VIL1: variants seen among roughly 807,000 people sequenced by gnomAD.
The protein encoded by VIL1 is villin-1.
VIL1 carries 86 observed loss-of-function variants against 104.0 expected under a neutral mutation model. The observed-to-expected ratio is 0.83, with a 90% CI of 0.69 to 0.99. The LOEUF (loss-of-function observed/expected upper bound fraction) is 0.99. Ranked by LOEUF, VIL1 falls within the 50% of genes least tolerant of loss-of-function variation. The pLI is 0.00. For missense variants in VIL1, 944 were observed against 1,054.1 expected (o/e 0.90, Z 1.45); for synonymous variants, 394 against 412.6 (o/e 0.95, Z 0.55).
Position 218,424,345 on chromosome 2 carries a change from C to T in VIL1, c.144C>T (p.Ile48=). 6.2e-7 allele frequency: 1 copy of T among 1,613,888 alleles called. No homozygotes were observed. The highest frequency in any genetic ancestry group is 8.5e-7 in the Non-Finnish European group (1 of 1,179,990). ...TCTTCGATGGTGACTGCTACATCAT[C>T]CTGGCTGTGAGTCAGGGGCAGGGGA... ...GSFFDGDCYI[I]LAIHKTASSL... is the part of the protein sequence containing the mutation. Residue 48 remains isoleucine (I), a synonymous_variant, in exon 3 of 20, where the codon ATC becomes ATT. Coordinates refer to ENST00000248444, the MANE Select transcript of VIL1 (RefSeq NM_007127.3).
Position 218,431,882 on chromosome 2 carries a change from T to G in VIL1, c.1128T>G (p.Asp376Glu). Reference sequence around the variant, plus strand: ...CCAAAGTGGAACAGGTGAAGTTCGATGCCACATCCATGCATGTCAAGCCTC... The same window carrying G: ...CCAAAGTGGAACAGGTGAAGTTCGAGGCCACATCCATGCATGTCAAGCCTC... ...SVAKVEQVKF[D>E]ATSMHVKPQV... Residue 376 changes from aspartate to glutamate, a missense_variant, in exon 11 of 20, where the codon GAT becomes GAG. Asp to Glu is a conservative substitution (Grantham distance 45). Transcript: ENST00000248444. The G allele has an allele frequency of 6.2e-7, 1 of 1,613,876 alleles. No homozygotes were observed. Among genetic ancestry groups the G allele is most frequent in the Non-Finnish European group, 8.5e-7 (1 of 1,179,970 alleles).
chr2:218,425,306 C>A (rs193101512), intron 3 of VIL1, among the ~76,000 whole-genome samples: 52 of 152,310 alleles, frequency 3.4e-4, no homozygotes, highest in African/African-American at 1.2e-3. Context: ...GTCTTCAACT[C>A]CTGACCTCAG....
intron 10 of VIL1, 125 bp from the exon 11 acceptor site, chr2:218,431,730 ATC>A: frequency 1.3e-6 from 1 of 770,656 alleles, no homozygotes; most frequent in Non-Finnish European, 2.2e-6. Context: ...AAGCTACTGA[ATC>A]TCTCTTGCCT....
At position 218,419,369 on chromosome 2, in the gene VIL1, C is replaced by T. The variant is rs577354399; in HGVS notation, c.-12+201C>T. On this transcript the variant is annotated intron_variant, in intron 1 of 19. Transcript: ENST00000248444. Reference sequence around the variant, plus strand: ...CCTCCAGGGAGAGACTTTTGCAGGCCCTGCCCCAGACAATGGCTCTCTCAG... The same window carrying T: ...CCTCCAGGGAGAGACTTTTGCAGGCTCTGCCCCAGACAATGGCTCTCTCAG... 3.0e-4 allele frequency among the ~76,000 whole-genome samples: 46 copies of T among 152,210 alleles called. No homozygotes were observed. In the South Asian group the frequency reaches 9.3e-3, roughly 31 times the overall value.
intron 1 of VIL1, among the ~76,000 whole-genome samples, chr2:218,422,504 C>T (rs919207759): frequency 5.9e-5 from 9 of 152,192 alleles, no homozygotes; most frequent in African/African-American, 1.9e-4. Flanking sequence ...TACAGTTACA[C>T]GGCAAGCTGC....
chr2:218,422,197 G>A (rs1402056977), intron 1 of VIL1, among the ~76,000 whole-genome samples: 10 of 152,174 alleles, frequency 6.6e-5, no homozygotes, highest in Non-Finnish European at 1.5e-4. Context: ...GGAGGTTGAA[G>A]TAAGCCGAGA....
rs756221833 is a variant in VIL1 at position 218,423,851 on chromosome 2, G to A, written c.73G>A (p.Glu25Lys). 5.6e-6 allele frequency: 9 copies of A among 1,614,034 alleles called. No individual in the cohort carries two copies. The highest frequency in any genetic ancestry group is 4.5e-5 in the East Asian group (2 of 44,892). The change falls in exon 2 of 20, where the codon GAG becomes AAG. Residue 25 changes from glutamate (E) to lysine (K), a missense_variant and splice_region_variant. Physicochemically the swap from Glu to Lys is moderately conservative, Grantham distance 56 (BLOSUM62 1). Coordinates refer to ENST00000248444, the MANE Select transcript of VIL1 (RefSeq NM_007127.3). ...CCCGGGGCTGCAGATATGGAGGATC[G>A]AGGTGAGGCCCTGTCTGGGCATGGG... is the stretch of plus-strand genomic sequence containing the variant. Reference protein sequence around the residue: ...TTPGLQIWRIEAMQMVPVPSS... With the variant: ...TTPGLQIWRIKAMQMVPVPSS...
In VIL1 at chr2:218,449,364, A is replaced by G. The variant is rs1380675572; in HGVS notation, c.*28A>G. 1.4e-5 allele frequency: 22 copies of G among 1,545,562 alleles called. No homozygotes were observed. The South Asian group carries it at 1.7e-4, about 12-fold the overall frequency. ...AGAGTAGCTGTGGTTGTAAAGCAGT[A>G]CCCTACCCTGATTGTAGGGTCTCAT... On this transcript the variant is annotated 3_prime_UTR_variant, in exon 20 of 20. Coordinates refer to ENST00000248444, the MANE Select transcript of VIL1 (RefSeq NM_007127.3).
chr2:218,430,224 C>T lies in VIL1; in HGVS notation c.948+277C>T, dbSNP rs368921183. Among the ~76,000 whole-genome samples the T allele has an allele frequency of 2.0e-4, 30 of 152,272 alleles. No homozygotes were observed. In the East Asian group the frequency reaches 4.4e-3, roughly 23 times the overall value. ...CAGGATGTGGGCTCTCACCTCCCTG[C>T]ACCTGAGCTGAGTTTGGAGAAGGGA... On this transcript the variant is annotated intron_variant, in intron 9 of 19. Transcript: ENST00000248444.
Position 218,431,837 on chromosome 2 carries a change from C to T in VIL1, c.1103-20C>T, listed in dbSNP as rs1421924724. Reference sequence around the variant, plus strand: ...GACCTCAGCTGGTGACAGTTGGTTTCATGATTTCCCCCACTCTAGCCAAAG... The same window carrying T: ...GACCTCAGCTGGTGACAGTTGGTTTTATGATTTCCCCCACTCTAGCCAAAG... On this transcript the variant is annotated intron_variant, in intron 10 of 19. Transcript: ENST00000248444. The T allele has an allele frequency of 6.2e-7, 1 of 1,606,090 alleles. No individual in the cohort carries two copies. The highest frequency in any genetic ancestry group is 1.1e-5 in the South Asian group (1 of 89,264).
chr2:218,427,387 G>C (rs1052454973), intron 4 of VIL1, among the ~76,000 whole-genome samples: 2 of 149,370 alleles, frequency 1.3e-5, no homozygotes, highest in African/African-American at 4.9e-5. Context: ...GCAATGGTGC[G>C]ATCTCGGCTC....
rs554697018 is a variant in VIL1 at position 218,429,328 on chromosome 2, G to C, written c.611G>C (p.Gly204Ala). ...GAGATCCGAGACCAGGAGCGGGGAG[G>C]GCGCACCTATGTAGGCGTGGTGGAC... ...AKEIRDQERG[G>A]RTYVGVVDGE... Residue 204 changes from glycine (G) to alanine (A), a missense_variant, in exon 7 of 20, where the codon GGG becomes GCG. Gly to Ala is a moderately conservative substitution (Grantham distance 60). Transcript: ENST00000248444. The C allele has an allele frequency of 1.1e-5, 18 of 1,614,108 alleles. No individual in the cohort carries two copies. In the South Asian group the frequency reaches 2.0e-4, roughly 18 times the overall value.
chr2:218,432,450 T>A (rs1689115324), intron 12 of VIL1: 2 of 702,746 alleles, frequency 2.8e-6, no homozygotes, highest in Non-Finnish European at 5.1e-6. Context: ...TGTGTCTAGA[T>A]GCGAGGGAGC....
At chr2:218,438,924 C>CA (rs1174042265) in intron 18 of VIL1, among the ~76,000 whole-genome samples, 198 bp downstream of exon 18, 2 of 114,494 alleles carry the variant, frequency 1.7e-5, no homozygotes, top group African/African-American at 3.0e-5. Context: ...AAATGGTTCT[C>CA]AATTTTTTTT....
intron 18 of VIL1, among the ~76,000 whole-genome samples, 161 bp from the exon 19 acceptor site, chr2:218,440,561 C>T (rs565657054): frequency 6.6e-6 from 1 of 152,266 alleles, no homozygotes; most frequent in African/African-American, 2.4e-5. Context: ...TGAGCCACTG[C>T]ACCCAGCCTA....
intron 9 of VIL1, 142 bp downstream of exon 9, chr2:218,430,089 T>G (rs548453552): frequency 4.2e-4 from 328 of 780,268 alleles, no homozygotes; most frequent in Non-Finnish European, 6.3e-4. Context: ...AGGAGCAGGA[T>G]GAGGGCTGGG....
At chr2:218,424,492 A>G (rs996455554) in intron 3 of VIL1, 141 bp downstream of exon 3, 15 of 835,546 alleles carry the variant, frequency 1.8e-5, no homozygotes, top group Non-Finnish European at 2.7e-5. Flanking sequence ...CAAGTGCCCA[A>G]CCCTGTGGGG....
At chr2:218,420,203 G>C (rs1379900996) in intron 1 of VIL1, among the ~76,000 whole-genome samples, 1 of 152,134 alleles carries the variant, frequency 6.6e-6, no homozygotes, top group Admixed American at 6.6e-5. Flanking sequence ...GCCAAGTGGG[G>C]TGGATCACTT....
Position 218,429,887 on chromosome 2 carries a change from C to T in VIL1, c.888C>T (p.Tyr296=), listed in dbSNP as rs374815953. The change falls in exon 9 of 20, where the codon TAC becomes TAT. Residue 296 remains tyrosine (Y), a synonymous_variant. Transcript: ENST00000248444. ...TGGACCAGGGGGGCCTGAAGATCTACGTGTGGAAAGGGAAGAAAGCCAATG... is the reference window on the plus strand; with the variant it reads ...TGGACCAGGGGGGCCTGAAGATCTATGTGTGGAAAGGGAAGAAAGCCAATG... The part of the protein sequence containing the change: ...YILDQGGLKI[Y]VWKGKKANEQ... 139 of 1,555,426 alleles carry T rather than the reference C, an allele frequency of 8.9e-5. No individual in the cohort carries two copies. Among genetic ancestry groups the T allele is most frequent in the East Asian group, 7.8e-4 (32 of 40,818 alleles).
Sources: gnomAD v4.1 joint callset for allele counts (sites outside exome capture counted in the v4.1 genomes callset) on GRCh38, gnomAD v4.1.1 for gene constraint, MANE v1.5 for transcripts, NCBI Gene and HGNC (gene_info 2026-07-23, HGNC 2026-07-21) for gene names.